The following RGPD4 variants were observed in gnomAD, a reference collection of about 807,000 sequenced individuals.
RGPD4 encodes RANBP2 like and GRIP domain containing 4.
In RGPD4, 84 loss-of-function variants were observed where a neutral mutation model predicts 141.1. The ratio of observed to expected loss-of-function variants is 0.60; its 90% CI spans 0.50 to 0.71. RGPD4 has a LOEUF of 0.71. Ranked by LOEUF, RGPD4 falls within the 30% of genes least tolerant of loss-of-function variation. The pLI, the probability that RGPD4 is intolerant of heterozygous loss-of-function variation, is 0.00. For synonymous variants in RGPD4, 298 were observed against 566.8 expected (o/e 0.53, Z 6.74); for missense variants, 918 against 1,622.4 (o/e 0.57, Z 7.46).
In RGPD4 at chr2:107,826,924, T is replaced by G; in HGVS notation, c.-90T>G. 6.5e-7 allele frequency: 1 copy of G among 1,547,666 alleles called. No individual in the cohort carries two copies. Among genetic ancestry groups the G allele is most frequent in the South Asian group, 1.2e-5 (1 of 84,052 alleles). On this transcript the variant is annotated 5_prime_UTR_variant, in exon 1 of 23. Coordinates refer to ENST00000408999, the MANE Select transcript of RGPD4 (RefSeq NM_182588.3). ...TCCTCCGCCGGCTACGCGGAGTCAG[T>G]GGCTTTCAGGCGCTTTCCTGTTGGA...
At position 107,890,769 on chromosome 2, in the gene RGPD4, G is replaced by A. The variant is rs749321793; in HGVS notation, c.*38G>A. ...TCTTCTGGATGGGCATCCTATCTTC[G>A]TAGTTGGTTTGGACTTCGATAGGTT... On this transcript the variant is annotated 3_prime_UTR_variant, in exon 23 of 23. Transcript: ENST00000408999. The A allele has an allele frequency of 1.9e-5, 30 of 1,600,844 alleles. No homozygotes were observed. Among genetic ancestry groups the A allele is most frequent in the Admixed American group, 7.0e-5 (4 of 57,470 alleles).
chr2:107,873,574 CAAAAAAA>C lies in RGPD4; in HGVS notation c.4924+666_4924+672del, dbSNP rs3053241. ...GACTGAGTGACTGAGACTTTGTCTCCAAAAAAAAAAAAAAAAAAAAAAAAAATATGAT... is the reference window on the plus strand; with the variant it reads ...GACTGAGTGACTGAGACTTTGTCTCCAAAAAAAAAAAAAAAAAAATATGAT... On this transcript the variant is annotated intron_variant, in intron 20 of 22. Coordinates refer to ENST00000408999, the MANE Select transcript of RGPD4 (RefSeq NM_182588.3). Among the ~76,000 whole-genome samples the C allele has an allele frequency of 3.6e-4, 45 of 125,420 alleles. No homozygotes were observed. In the South Asian group the frequency reaches 6.2e-3, roughly 17 times the overall value. The allele number at this position is 125,420 out of a possible 152,430, so 82.3% of individuals were successfully genotyped here.
At chr2:107,882,464 T>C (rs570643251) in intron 21 of RGPD4, among the ~76,000 whole-genome samples, 1 of 151,216 alleles carries the variant, frequency 6.6e-6, no homozygotes, top group Non-Finnish European at 1.5e-5. Flanking sequence ...CCGGTTTTCA[T>C]GTCAAATGGA....
At chr2:107,890,506 G>A (rs1274543673) in intron 22 of RGPD4, among the ~76,000 whole-genome samples, 68 of 110,476 alleles carry the variant, frequency 6.2e-4, no homozygotes, top group Admixed American at 2.2e-3. Flanking sequence ...GTCTCATCAC[G>A]CCACTGCACT....
rs1675296532 is a variant in RGPD4, at chr2:107,879,873, C to T, written c.4925-95C>T. On this transcript the variant is annotated intron_variant, in intron 20 of 22. Transcript: ENST00000408999. ...AAGAAAGCAGACCTATAAAATATCA[C>T]ATAGTAAGATATTTATATTTAGATT... The T allele has an allele frequency of 8.3e-6, 12 of 1,450,676 alleles. No individual in the cohort carries two copies. In the East Asian group the frequency reaches 2.0e-4, roughly 24 times the overall value. 89.9% of individuals were successfully genotyped at this position (1,450,676 alleles called of 1,614,324 possible).
chr2:107,880,052 A>T lies in RGPD4; in HGVS notation c.5009A>T (p.Asn1670Ile), dbSNP rs1244136107. The stretch of plus-strand genomic sequence containing the variant: ...ACCACAAAAAGTGCAGATCACTTAA[A>T]CGGCCTGCTTCGGGAAGCAGAGGCA... ...SSTTKSADHLNGLLREAEATS... is the reference protein window; with the variant it reads ...SSTTKSADHLIGLLREAEATS... Residue 1670 changes from asparagine to isoleucine, a missense_variant, in exon 21 of 23, where the codon AAC (asparagine) becomes ATC (isoleucine). Transcript: ENST00000408999. 5 of 1,611,442 alleles carry T rather than the reference A, an allele frequency of 3.1e-6. No individual in the cohort carries two copies. In the Admixed American group the frequency reaches 8.3e-5, roughly 27 times the overall value.
chr2:107,862,765 C>T lies in RGPD4; in HGVS notation c.2289C>T (p.Leu763=), dbSNP rs749828218. The change falls in exon 16 of 23, where the codon CTC becomes CTT. Residue 763 remains leucine, a synonymous_variant. Coordinates refer to ENST00000408999, the MANE Select transcript of RGPD4 (RefSeq NM_182588.3). ...AAAACTATAGTGAAGGAGATCCTCT[C>T]TATAAAAATGGTTCTTTGCGAAATG... ...ELENYSEGDP[L]YKNGSLRNAD... is the part of the protein sequence containing the mutation. 4.8e-6 allele frequency: 4 copies of T among 840,858 alleles called. 1 individual carries two copies. The Admixed American group carries it at 9.0e-5, about 19-fold the overall frequency. The allele number at this position is 840,858 out of a possible 1,614,324, so 52.1% of individuals were successfully genotyped here.
chr2:107,890,739 C>T lies in RGPD4; in HGVS notation c.*8C>T, dbSNP rs561586164. 45 of 1,600,968 alleles carry T rather than the reference C, an allele frequency of 2.8e-5. 1 individual carries two copies. The South Asian group carries it at 4.8e-4, about 17-fold the overall frequency. On this transcript the variant is annotated 3_prime_UTR_variant, in exon 23 of 23. Transcript: ENST00000408999. The stretch of plus-strand genomic sequence containing the variant: ...TCCAAAGGTGAGGAATAAAATGCTT[C>T]CCGTTCTTCTGGATGGGCATCCTAT...
At chr2:107,883,084 A>G in intron 22 of RGPD4, 1 of 696,450 alleles carries the variant, frequency 1.4e-6, no homozygotes, top group Non-Finnish European at 2.5e-6. Context: ...GTTCAGCAAA[A>G]TACAATAAGT....
intron 17 of RGPD4, among the ~76,000 whole-genome samples, chr2:107,863,563 G>T (rs978503301): frequency 2.6e-5 from 4 of 151,100 alleles, no homozygotes; most frequent in African/African-American, 4.9e-5. Context: ...TGCAATCTTG[G>T]CTCACTGCAA....
chr2:107,845,981 C>G (rs1461602804), intron 6 of RGPD4, among the ~76,000 whole-genome samples: 1 of 129,040 alleles, frequency 7.7e-6, no homozygotes, highest in Non-Finnish European at 1.6e-5. Context: ...GGCTGGAGTG[C>G]AGTGGCGCCA....
intron 18 of RGPD4, among the ~76,000 whole-genome samples, chr2:107,866,913 AGACATTTATTAGAG>A (rs143818861): frequency 0.071 from 10,539 of 149,358 alleles, 524 homozygotes; most frequent in East Asian, 0.27. Flanking sequence ...GGTGTGTATC[AGACATTTATTAGAG>A]TATACAGTAA....
intron 11 of RGPD4, 67 bp downstream of exon 11, chr2:107,859,621 T>C (rs1022210996): frequency 2.4e-5 from 39 of 1,611,408 alleles, no homozygotes; most frequent in African/African-American, 2.3e-4. Flanking sequence ...TTAATCCTCA[T>C]GTGAAGATTT....
rs776911077 is a variant in RGPD4 at position 107,871,782 on chromosome 2, G to A, written c.3778G>A (p.Asp1260Asn). Residue 1260 changes from aspartate to asparagine, a missense_variant, in exon 20 of 23, where the codon GAT becomes AAT. Transcript: ENST00000408999. ...CTGTGATTTAAGGGAAGATGCTTTGGATGATAGTGTCAGTAGTAGCTCAGT... is the reference window on the plus strand; with the variant it reads ...CTGTGATTTAAGGGAAGATGCTTTGAATGATAGTGTCAGTAGTAGCTCAGT... ...DNCDLREDAL[D>N]DSVSSSSVHA... 6.2e-7 allele frequency: 1 copy of A among 1,611,386 alleles called. No homozygotes were observed. Among genetic ancestry groups the A allele is most frequent in the African/African-American group, 1.3e-5 (1 of 74,394 alleles).
intron 7 of RGPD4, among the ~76,000 whole-genome samples, chr2:107,849,594 T>C (rs1682067602): frequency 2.2e-5 from 1 of 45,880 alleles, no homozygotes; most frequent in South Asian, 9.5e-4. Context: ...ATGGTCTCAA[T>C]CTCCAGACCT....
intron 9 of RGPD4, among the ~76,000 whole-genome samples, chr2:107,857,794 C>T (rs562494091): frequency 0.043 from 6,532 of 150,854 alleles, 585 homozygotes; most frequent in African/African-American, 0.15. Context: ...GAGTTCAAGA[C>T]CATCCTGGCC....
chr2:107,836,797 C>T, intron 2 of RGPD4, 128 bp downstream of exon 2: 1 of 451,398 alleles, frequency 2.2e-6, no homozygotes, highest in East Asian at 3.7e-5. Context: ...AGGGATTTAT[C>T]ACTCAGACTG....
Position 107,826,979 on chromosome 2 carries a change from G to C in RGPD4, c.-35G>C, listed in dbSNP as rs1248248204. The C allele has an allele frequency of 6.3e-7, 1 of 1,584,980 alleles. No individual in the cohort carries two copies. Among genetic ancestry groups the C allele is most frequent in the African/African-American group, 1.3e-5 (1 of 74,352 alleles). On this transcript the variant is annotated 5_prime_UTR_variant, in exon 1 of 23. Coordinates refer to ENST00000408999, the MANE Select transcript of RGPD4 (RefSeq NM_182588.3). Reference sequence around the variant, plus strand: ...GCGACTGCTGCGGGGCTGAGCGCTGGTTTCACGCGTCTCGGGAGCCAGGTT... The same window carrying C: ...GCGACTGCTGCGGGGCTGAGCGCTGCTTTCACGCGTCTCGGGAGCCAGGTT...
intron 18 of RGPD4, among the ~76,000 whole-genome samples, chr2:107,867,214 C>A (rs545643486): frequency 1.3e-5 from 2 of 150,900 alleles, no homozygotes; most frequent in African/African-American, 4.9e-5. Flanking sequence ...CCAGAAATAA[C>A]AAAATTGTTC....
Sources: allele counts gnomAD v4.1 joint callset (sites outside exome capture counted in the v4.1 genomes callset), GRCh38; gene constraint gnomAD v4.1.1; transcripts MANE v1.5; gene names NCBI Gene and HGNC (gene_info 2026-07-23, HGNC 2026-07-21).